The following NAPA variants were observed in gnomAD, a reference collection of about 807,000 sequenced individuals.
NAPA encodes the protein NSF attachment protein alpha, also known as alpha-soluble NSF attachment protein.
In NAPA, 18 loss-of-function variants were observed where a neutral mutation model predicts 48.0. The observed-to-expected ratio is 0.38, with a 90% CI of 0.26 to 0.56. The LOEUF is 0.56. NAPA is among the 20% of genes least tolerant of loss of function. The probability of loss-of-function intolerance (pLI) is 0.77; values close to 1 mark genes in which losing one functional copy is unlikely to be tolerated. For synonymous variants in NAPA, 152 were observed against 149.9 expected (o/e 1.01, Z -0.10); for missense variants, 315 against 385.0 (o/e 0.82, Z 1.52).
chr19:47,491,292 G>A (rs1429867124), intron 8 of NAPA: 2 of 170,596 alleles, frequency 1.2e-5, no homozygotes, highest in African/African-American at 4.8e-5. Flanking sequence ...GAGACATGGG[G>A]TGGGAATGGG....
chr19:47,489,369 G>A (rs371885138), intron 10 of NAPA: 8 of 304,610 alleles, frequency 2.6e-5, no homozygotes, highest in East Asian at 5.5e-5. Context: ...TGCCCAAGGC[G>A]CCCACTGTGA....
chr19:47,499,052 G>T (rs747710728), intron 3 of NAPA, among the ~76,000 whole-genome samples: 64 of 152,148 alleles, frequency 4.2e-4, no homozygotes, highest in Non-Finnish European at 8.2e-4. Context: ...TTTCCTACCG[G>T]TCGGAGTCCT....
In NAPA at chr19:47,493,426, TCCA is replaced by T. The variant is rs1411552929; in HGVS notation, c.407_409del (p.Val136del). ...CCTGCTGCCACTCACCTTCTCGATG[TCCA>T]CCAACTCTGTCTCATAGATCTCAGC... On this transcript the variant is annotated inframe_deletion, in exon 5 of 11. Coordinates refer to ENST00000263354, the MANE Select transcript of NAPA (RefSeq NM_003827.4). The surrounding 1 kb of genome is among the most constrained non-coding windows in gnomAD (Gnocchi z 6.4). The T allele has an allele frequency of 8.1e-6, 13 of 1,613,962 alleles. No individual in the cohort carries two copies. The highest frequency in any genetic ancestry group is 3.3e-5 in the South Asian group (3 of 91,082).
intron 2 of NAPA, among the ~76,000 whole-genome samples, chr19:47,501,163 T>C (rs1001310563): frequency 1.3e-5 from 2 of 151,898 alleles, no homozygotes; most frequent in Admixed American, 1.3e-4. Flanking sequence ...TTGGAAAGGA[T>C]ATAAAACAGA....
chr19:47,491,707 C>T (rs1186697665), intron 8 of NAPA, among the ~76,000 whole-genome samples: 1 of 152,214 alleles, frequency 6.6e-6, no homozygotes, highest in Non-Finnish European at 1.5e-5. Flanking sequence ...ACCATCTTCA[C>T]CCATAAGACG....
intron 3 of NAPA, 52 bp from the exon 4 acceptor site, chr19:47,495,648 C>G: frequency 2.5e-6 from 4 of 1,590,950 alleles, no homozygotes; most frequent in Non-Finnish European, 3.4e-6. Flanking sequence ...GTCGTTTCAG[C>G]AGAAGCTGAG....
At chr19:47,487,275 G>A (rs1968098889), downstream of NAPA, among the ~76,000 whole-genome samples, 1 of 152,190 alleles carries the variant, frequency 6.6e-6, no homozygotes, top group Non-Finnish European at 1.5e-5. Flanking sequence ...AGATTCGGTG[G>A]GCTTCCACCC....
chr19:47,489,532 CT>C, intron 10 of NAPA, 178 bp downstream of exon 10: 1 of 692,984 alleles, frequency 1.4e-6, no homozygotes, highest in Non-Finnish European at 2.4e-6. Context: ...GGGGAGAACA[CT>C]CCCTGCGCCT....
At chr19:47,502,547 C>T (rs1323016637) in intron 2 of NAPA, among the ~76,000 whole-genome samples, 3 of 152,160 alleles carry the variant, frequency 2.0e-5, no homozygotes, top group Non-Finnish European at 2.9e-5. Flanking sequence ...TTTTATTGTG[C>T]ACCTCTGCAC....
rs148793354 is a variant in NAPA at position 47,492,643 on chromosome 19, C to T, written c.561+318G>A. 254 of 489,092 alleles carry T rather than the reference C, an allele frequency of 5.2e-4. 2 individuals carry two copies. The highest frequency in any genetic ancestry group is 2.1e-3 in the South Asian group (113 of 53,292). 30.3% of individuals were successfully genotyped at this position (489,092 alleles called of 1,614,324 possible). A position where few individuals can be genotyped will look rare whatever the true frequency, so the allele number is the denominator to read the frequency against. ...GGGTGCCCACGGCCACCCTGGGCCT[C>T]TTGGCACTTCTTCCCATTCCCTCCC... is the stretch of plus-strand genomic sequence containing the variant. On this transcript the variant is annotated intron_variant, in intron 7 of 10. Coordinates refer to ENST00000263354, the MANE Select transcript of NAPA (RefSeq NM_003827.4).
In NAPA at chr19:47,492,915, CCT is replaced by C. The variant is rs142779166; in HGVS notation, c.561+44_561+45del. 12,000 of 1,594,134 alleles carry C rather than the reference CCT, an allele frequency of 7.5e-3. 67 individuals carry two copies. The highest frequency in any genetic ancestry group is 8.7e-3 in the Non-Finnish European group (10,162 of 1,161,898). On this transcript the variant is annotated intron_variant, in intron 7 of 10. Transcript: ENST00000263354. ...CCGGGGCTTAGGAGGAGGCACAGGC[CCT>C]GAGAGGGGGCAGGGTGGAAGCCGCC...
intron 7 of NAPA, chr19:47,492,743 G>A (rs919047890): frequency 3.2e-5 from 22 of 687,148 alleles, no homozygotes; most frequent in South Asian, 2.4e-4. Context: ...GGCACAGCCA[G>A]GGAGAGAGAC....
intron 2 of NAPA, among the ~76,000 whole-genome samples, 196 bp downstream of exon 2, chr19:47,503,227 A>AC (rs1968618790): frequency 1.3e-5 from 2 of 152,214 alleles, no homozygotes; most frequent in Admixed American, 1.3e-4. Context: ...CTGTCCTTTC[A>AC]CCAAGGCCCC....
chr19:47,495,701 A>C, intron 3 of NAPA, 105 bp from the exon 4 acceptor site: 1 of 1,044,434 alleles, frequency 9.6e-7, no homozygotes, highest in Non-Finnish European at 1.5e-6. Context: ...CAGCAGAGAG[A>C]TCAATAGGCG....
intron 1 of NAPA, among the ~76,000 whole-genome samples, chr19:47,508,143 T>C (rs1389016826): frequency 1.3e-5 from 2 of 152,180 alleles, no homozygotes; most frequent in Non-Finnish European, 2.9e-5. Flanking sequence ...GGAGTATGAA[T>C]TAAGCCAGCC....
chr19:47,494,047 C>T (rs1362325780), intron 4 of NAPA, among the ~76,000 whole-genome samples: 3 of 152,336 alleles, frequency 2.0e-5, no homozygotes, highest in South Asian at 4.1e-4. Context: ...ACCTTCCATC[C>T]GCCTCCACCC....
chr19:47,495,562 G>T lies in NAPA; in HGVS notation c.330C>A (p.Ile110=), dbSNP rs957310658. The T allele has an allele frequency of 4.3e-6, 7 of 1,613,874 alleles. No homozygotes were observed. Among genetic ancestry groups the T allele is most frequent in the Non-Finnish European group, 4.2e-6 (5 of 1,179,978 alleles). ...AINCLMRAIE[I]YTDMGRFTIA... is the part of the protein sequence containing the mutation. ...AAGCAGCCCTTACCATGTCTGTGTA[G>T]ATCTCGATTGCTCGCATCAAACAGT... Residue 110 remains isoleucine, a synonymous_variant, in exon 4 of 11, where the codon ATC becomes ATA. Coordinates refer to ENST00000263354, the MANE Select transcript of NAPA (RefSeq NM_003827.4).
At chr19:47,507,307 T>C (rs908833756) in intron 1 of NAPA, among the ~76,000 whole-genome samples, 2 of 152,078 alleles carry the variant, frequency 1.3e-5, no homozygotes, top group African/African-American at 4.8e-5. Flanking sequence ...GGGACTGCCA[T>C]ATGGAAGGCT....
In NAPA at chr19:47,489,678, G is replaced by A. The variant is rs372720272; in HGVS notation, c.786+33C>T. 8.2e-5 allele frequency: 132 copies of A among 1,612,642 alleles called. 1 individual carries two copies. The Middle Eastern group carries it at 4.1e-3, about 50-fold the overall frequency. On this transcript the variant is annotated intron_variant, in intron 10 of 10. Coordinates refer to ENST00000263354, the MANE Select transcript of NAPA (RefSeq NM_003827.4). ...GCTTTCCTAGGAGACCCATCCCCGT[G>A]AAGGGGCCTGGCCCCCCATGCTGGC...
Sources: gnomAD v4.1 joint callset for allele counts (sites outside exome capture counted in the v4.1 genomes callset) on GRCh38, gnomAD v4.1.1 for gene constraint, Gnocchi (gnomAD v3.1) non-coding constraint, MANE v1.5 for transcripts, NCBI Gene and HGNC (gene_info 2026-07-23, HGNC 2026-07-21) for gene names.